Variants in CASR observed in about 807,000 individuals in gnomAD.
CASR encodes extracellular calcium-sensing receptor.
A neutral mutation model predicts 69.1 loss-of-function variants in CASR; 23 were observed. The ratio of observed to expected loss-of-function variants is 0.33; its 90% CI spans 0.24 to 0.47. The LOEUF is 0.47. Among genes scored for constraint, CASR ranks in the 20% least tolerant of loss-of-function variants. The probability of loss-of-function intolerance (pLI) is 1.00; values close to 1 mark genes in which losing one functional copy is unlikely to be tolerated. For missense variants in CASR, 924 were observed against 1,356.1 expected, an observed-to-expected ratio of 0.68 and a Z score of 5.00; for synonymous variants, 541 against 544.7, an observed-to-expected ratio of 0.99 and a Z score of 0.10.
At chr3:122,282,709 A>T (rs2074907167) in intron 6 of CASR, among the ~76,000 whole-genome samples, 1 of 152,260 alleles carries the variant, frequency 6.6e-6, no homozygotes, top group East Asian at 1.9e-4. Context: ...AATATTGGTA[A>T]TGCACATGGT....
At chr3:122,241,813 T>C (rs988541498) in intron 1 of CASR, among the ~76,000 whole-genome samples, 2 of 152,042 alleles carry the variant, frequency 1.3e-5, no homozygotes, top group African/African-American at 4.8e-5. Flanking sequence ...CAACAATACA[T>C]TAAAAATATC....
chr3:122,271,423 C>T (rs2107639955), intron 4 of CASR, among the ~76,000 whole-genome samples: 1 of 152,308 alleles, frequency 6.6e-6, no homozygotes, highest in South Asian at 2.1e-4. Flanking sequence ...CTCTTTATCT[C>T]CCTGCCACAT....
intron 5 of CASR, among the ~76,000 whole-genome samples, chr3:122,278,442 C>T (rs1374203584): frequency 6.6e-6 from 1 of 152,148 alleles, no homozygotes; most frequent in Non-Finnish European, 1.5e-5. Context: ...CACTGTGCTG[C>T]CAATAATTCT....
chr3:122,285,012 G>C lies in CASR; in HGVS notation c.3058G>C (p.Glu1020Gln), dbSNP rs1060502858. 1.9e-6 allele frequency: 3 copies of C among 1,614,120 alleles called. No homozygotes were observed. Among genetic ancestry groups the C allele is most frequent in the African/African-American group, 1.3e-5 (1 of 74,942 alleles). The change falls in exon 7 of 7, where the codon GAA becomes CAA. Residue 1020 changes from glutamate to glutamine, a missense_variant. Around this residue, in one of 8 missense-constraint regions of CASR, gnomAD observed 201 missense variants for 228.8 expected, o/e 0.88. Coordinates refer to ENST00000639785, the MANE Select transcript of CASR (RefSeq NM_000388.4). ...GCCATTACTCCCGCTGCAGTGCGGG[G>C]AAACGGACTTAGATCTGACCGTCCA... The part of the protein sequence containing the change: ...HEPLLPLQCG[E>Q]TDLDLTVQET...
intron 1 of CASR, among the ~76,000 whole-genome samples, chr3:122,212,295 A>G (rs1389678445): frequency 6.6e-6 from 1 of 152,186 alleles, no homozygotes; most frequent in Non-Finnish European, 1.5e-5. Context: ...ATCCTCAGCA[A>G]ACTAACTCAG....
intron 1 of CASR, among the ~76,000 whole-genome samples, chr3:122,235,653 C>A (rs1404087701): frequency 6.6e-6 from 1 of 152,018 alleles, no homozygotes; most frequent in Non-Finnish European, 1.5e-5. Context: ...AAAAAATAGC[C>A]TGGGGTAGTG....
intron 1 of CASR, among the ~76,000 whole-genome samples, chr3:122,217,090 C>T (rs2074124263): frequency 6.7e-6 from 1 of 148,982 alleles, no homozygotes; most frequent in Admixed American, 6.7e-5. Context: ...GTTTTGAGTG[C>T]AGTGAAGGGA....
In CASR at chr3:122,232,596, G is replaced by T. The variant is rs879695496; in HGVS notation, c.-242-21352G>T. Among the ~76,000 whole-genome samples the T allele has an allele frequency of 2.6e-5, 4 of 152,324 alleles. No individual in the cohort carries two copies. In the East Asian group the frequency reaches 7.7e-4, roughly 29 times the overall value. On this transcript the variant is annotated intron_variant, in intron 1 of 6. Coordinates refer to ENST00000639785, the MANE Select transcript of CASR (RefSeq NM_000388.4). ...GGAGAGTGGTGTGGGAGATGCAGCC[G>T]GAGAGGAGGCAGGGCCAGTGTATGC...
chr3:122,269,982 C>T (rs977119846), intron 4 of CASR, among the ~76,000 whole-genome samples: 1 of 152,114 alleles, frequency 6.6e-6, no homozygotes, highest in African/African-American at 2.4e-5. Flanking sequence ...GCTGGGATTA[C>T]AGGCATGCAC....
At chr3:122,279,414 A>T (rs74381974) in intron 5 of CASR, among the ~76,000 whole-genome samples, 3,636 of 152,326 alleles carry the variant, frequency 0.024, 76 homozygotes, top group Non-Finnish European at 0.033. Flanking sequence ...ACAAGCAAAG[A>T]CAATTATAGG....
chr3:122,266,245 AC>A (rs2074692462), intron 4 of CASR, among the ~76,000 whole-genome samples: 1 of 151,938 alleles, frequency 6.6e-6, no homozygotes, highest in African/African-American at 2.4e-5. Flanking sequence ...TAGGGGAAAT[AC>A]CCTAAAAGAC....
intron 1 of CASR, among the ~76,000 whole-genome samples, chr3:122,250,938 G>C (rs1178779271): frequency 6.6e-6 from 1 of 152,114 alleles, no homozygotes; most frequent in African/African-American, 2.4e-5. Flanking sequence ...ACATGCATGT[G>C]TTTGTCACCT....
chr3:122,191,730 A>T lies in CASR; in HGVS notation c.-243+7918A>T, dbSNP rs1033496494. Among the ~76,000 whole-genome samples the T allele has an allele frequency of 4.6e-5, 7 of 152,268 alleles. 1 individual carries two copies. The highest frequency in any genetic ancestry group is 1.7e-4 in the African/African-American group (7 of 41,464). On this transcript the variant is annotated intron_variant, in intron 1 of 6. Coordinates refer to ENST00000639785, the MANE Select transcript of CASR (RefSeq NM_000388.4). ...ATTTGTGAATATAAAGAACTCATAG[A>T]ATTTAATAGGAAGAACATTAAGACC...
intron 1 of CASR, among the ~76,000 whole-genome samples, chr3:122,234,401 A>G (rs2074309218): frequency 6.6e-6 from 1 of 152,158 alleles, no homozygotes; most frequent in South Asian, 2.1e-4. Context: ...TGTAACCAAC[A>G]CGTGGGCACA....
intron 1 of CASR, among the ~76,000 whole-genome samples, chr3:122,213,537 C>T (rs868062176): frequency 8.5e-5 from 13 of 152,154 alleles, no homozygotes; most frequent in African/African-American, 2.9e-4. Context: ...TTTGGGTCCT[C>T]TCTCTAAGAC....
chr3:122,230,714 A>C (rs1439332667), intron 1 of CASR, among the ~76,000 whole-genome samples: 3 of 152,136 alleles, frequency 2.0e-5, no homozygotes, highest in Non-Finnish European at 4.4e-5. Context: ...CCTGGGACCC[A>C]CCAAGCCCGT....
At chr3:122,218,598 A>G (rs1281004125) in intron 1 of CASR, among the ~76,000 whole-genome samples, 1 of 112,330 alleles carries the variant, frequency 8.9e-6, no homozygotes, top group Admixed American at 1.1e-4. Context: ...TCTGGTGGTG[A>G]ACTGGATAAA....
rs2074983263 is a variant in CASR, at chr3:122,287,808, T to C, written c.*2617T>C. The stretch of plus-strand genomic sequence containing the variant: ...GCTCTTGCAGCTACCTCCATGCTCA[T>C]CCCTGAGGCCCAGAAATCACTGGCA... On this transcript the variant is annotated 3_prime_UTR_variant, in exon 7 of 7. Transcript: ENST00000639785. The C allele has an allele frequency of 6.6e-6, 1 of 152,352 alleles. No individual in the cohort carries two copies. The highest frequency in any genetic ancestry group is 1.5e-5 in the Non-Finnish European group (1 of 68,122). 9.4% of individuals were successfully genotyped at this position (152,352 alleles called of 1,614,324 possible). A position where few individuals can be genotyped will look rare whatever the true frequency, so the allele number is the denominator to read the frequency against.
At chr3:122,201,568 T>C (rs1375190597) in intron 1 of CASR, among the ~76,000 whole-genome samples, 2 of 143,886 alleles carry the variant, frequency 1.4e-5, no homozygotes, top group Non-Finnish European at 3.1e-5. Context: ...CACTTCCCAG[T>C]AGGGGCAGCC....
Sources: allele counts gnomAD v4.1 joint callset (sites outside exome capture counted in the v4.1 genomes callset), GRCh38; gene constraint gnomAD v4.1.1; regional missense constraint gnomAD v4.1.1; transcripts MANE v1.5; gene names NCBI Gene and HGNC (gene_info 2026-07-23, HGNC 2026-07-21).